Variants in AUTS2 observed in about 807,000 individuals in gnomAD.
The protein encoded by AUTS2 is autism susceptibility gene 2 protein.
Under a neutral mutation model 112.4 loss-of-function variants are expected in AUTS2, and 17 were observed. That is an observed-to-expected ratio of 0.15 (90% confidence interval 0.10 to 0.23). AUTS2 has a LOEUF of 0.23. AUTS2 is among the 10% of genes least tolerant of loss of function. The pLI, the probability that AUTS2 is intolerant of heterozygous loss-of-function variation, is 1.00. For synonymous variants in AUTS2, 751 were observed against 702.7 expected (o/e 1.07, Z -1.09); for missense variants, 1,510 against 1,701.6 (o/e 0.89, Z 1.98).
At chr7:70,496,237 TCACACACACA>T (rs1213694004) in intron 5 of AUTS2, among the ~76,000 whole-genome samples, 1 of 25,684 alleles carries the variant, frequency 3.9e-5, no homozygotes, top group African/African-American at 1.7e-4. Context: ...ACGTACACAG[TCACACACACA>T]CACACACCCC....
intron 4 of AUTS2, among the ~76,000 whole-genome samples, chr7:70,265,986 G>T (rs1366736389): frequency 6.6e-6 from 1 of 152,120 alleles, no homozygotes; most frequent in East Asian, 1.9e-4. Flanking sequence ...TTGTGTGTTG[G>T]GTTGTGCAGT....
rs573260266 is a variant in AUTS2 at position 70,190,493 on chromosome 7, G to A, written c.660+55922G>A. 3.9e-5 allele frequency among the ~76,000 whole-genome samples: 6 copies of A among 152,186 alleles called. 1 individual carries two copies. The highest frequency in any genetic ancestry group is 6.8e-3 in the Middle Eastern group (2 of 294). ...CAAATTTCCTCACTGCCGCATTTTC[G>A]TTGAAGCAAATTCTGACAGTGGGGG... On this transcript the variant is annotated intron_variant, in intron 4 of 18. Transcript: ENST00000342771.
chr7:70,392,154 T>C (rs1241850492), intron 4 of AUTS2, among the ~76,000 whole-genome samples: 2 of 152,228 alleles, frequency 1.3e-5, no homozygotes, highest in Non-Finnish European at 2.9e-5. Flanking sequence ...CTTCTTTGTA[T>C]GACTGTTCCT....
At chr7:70,122,662 T>A (rs1805744519) in intron 3 of AUTS2, among the ~76,000 whole-genome samples, 1 of 152,142 alleles carries the variant, frequency 6.6e-6, no homozygotes, top group Non-Finnish European at 1.5e-5. Flanking sequence ...GGGCATATAG[T>A]AGGCGTATTG....
intron 1 of AUTS2, among the ~76,000 whole-genome samples, chr7:69,717,522 A>G (rs589136): frequency 0.14 from 21,753 of 152,282 alleles, 1,657 homozygotes; most frequent in Non-Finnish European, 0.16. Flanking sequence ...AAATGAGGAC[A>G]GAAAAGTTGA....
chr7:70,157,203 T>C (rs1296241186), intron 4 of AUTS2, among the ~76,000 whole-genome samples: 2 of 152,120 alleles, frequency 1.3e-5, no homozygotes, highest in Non-Finnish European at 2.9e-5. Flanking sequence ...CAGCTTTTCA[T>C]CACTTTTTAA....
chr7:69,645,699 C>T (rs1427861609), intron 1 of AUTS2, among the ~76,000 whole-genome samples: 4 of 151,968 alleles, frequency 2.6e-5, no homozygotes, highest in Non-Finnish European at 4.4e-5. Context: ...AAACTTAGCT[C>T]CTGAGTTTAA....
chr7:70,312,003 C>T lies in AUTS2; in HGVS notation c.661-123749C>T, dbSNP rs572698489. On this transcript the variant is annotated intron_variant, in intron 4 of 18. Coordinates refer to ENST00000342771, the MANE Select transcript of AUTS2 (RefSeq NM_015570.4). ...TGCTGAGATTATAGGCATGAGCCAC[C>T]GCGCCCGGCCACACTTGGCCGATTT... Among the ~76,000 whole-genome samples the T allele has an allele frequency of 4.6e-5, 7 of 152,232 alleles. No individual in the cohort carries two copies. In the East Asian group the frequency reaches 5.8e-4, roughly 13 times the overall value.
At chr7:70,630,111 AG>A (rs1805179175) in intron 5 of AUTS2, among the ~76,000 whole-genome samples, 1 of 152,096 alleles carries the variant, frequency 6.6e-6, no homozygotes. Flanking sequence ...TGCAGAGGAA[AG>A]GGGTAGGGGG....
chr7:69,620,952 A>G (rs1360701569), intron 1 of AUTS2, among the ~76,000 whole-genome samples: 1 of 152,218 alleles, frequency 6.6e-6, no homozygotes, highest in East Asian at 1.9e-4. Context: ...GGTTGTACAC[A>G]GAACTCATGC....
At position 70,066,629 on chromosome 7, in the gene AUTS2, C is replaced by A. The variant is rs529484031; in HGVS notation, c.523-51503C>A. ...TGTGTCGGCTCACTGCACTCCGTCT[C>A]CCGGGTTCAAGCGATTCTTCTGCTT... is the stretch of plus-strand genomic sequence containing the variant. On this transcript the variant is annotated intron_variant, in intron 2 of 18. Coordinates refer to ENST00000342771, the MANE Select transcript of AUTS2 (RefSeq NM_015570.4). Among the ~76,000 whole-genome samples the A allele has an allele frequency of 1.7e-4, 25 of 151,282 alleles. No homozygotes were observed. In the South Asian group the frequency reaches 5.0e-3, roughly 30 times the overall value.
chr7:70,233,446 G>A (rs548051754), intron 4 of AUTS2, among the ~76,000 whole-genome samples: 1 of 152,238 alleles, frequency 6.6e-6, no homozygotes, highest in Non-Finnish European at 1.5e-5. Context: ...ATTTCTGATG[G>A]ATAACAGTAG....
intron 4 of AUTS2, among the ~76,000 whole-genome samples, chr7:70,155,795 A>G (rs1404900241): frequency 6.6e-6 from 1 of 152,122 alleles, no homozygotes; most frequent in African/African-American, 2.4e-5. Context: ...GAGCTCAGAG[A>G]AAAAAGGACT....
chr7:70,001,710 A>AT (rs35638538), intron 2 of AUTS2, among the ~76,000 whole-genome samples: 19,737 of 132,816 alleles, frequency 0.15, 1,616 homozygotes, highest in African/African-American at 0.17. Flanking sequence ...TCATTGTCAT[A>AT]TTTTTTTTTT....
chr7:69,653,733 G>A (rs1048650591), intron 1 of AUTS2, among the ~76,000 whole-genome samples: 1 of 149,748 alleles, frequency 6.7e-6, no homozygotes, highest in Non-Finnish European at 1.5e-5. Context: ...GGTTACCTTT[G>A]TTAGGAAGCA....
chr7:69,948,562 G>A (rs1796903898), intron 2 of AUTS2, among the ~76,000 whole-genome samples: 1 of 152,082 alleles, frequency 6.6e-6, no homozygotes, highest in Non-Finnish European at 1.5e-5. Context: ...TTGACAAACA[G>A]AAAGGGGACA....
At chr7:70,719,306 C>G (rs1196770269) in intron 6 of AUTS2, among the ~76,000 whole-genome samples, 1 of 152,154 alleles carries the variant, frequency 6.6e-6, no homozygotes, top group Admixed American at 6.5e-5. Flanking sequence ...ACACTGTAAA[C>G]AAGAGTATCG....
chr7:70,251,059 A>C (rs1033848917), intron 4 of AUTS2, among the ~76,000 whole-genome samples: 1 of 152,088 alleles, frequency 6.6e-6, no homozygotes, highest in Non-Finnish European at 1.5e-5. Context: ...TTCCAGTTAT[A>C]AAATATTTCT....
chr7:69,753,935 C>T (rs1787844199), intron 1 of AUTS2, among the ~76,000 whole-genome samples: 1 of 152,164 alleles, frequency 6.6e-6, no homozygotes, highest in African/African-American at 2.4e-5. Context: ...ATAGGTCTTT[C>T]TGTGCTACAG....
Sources: gnomAD v4.1 joint callset for allele counts (sites outside exome capture counted in the v4.1 genomes callset) on GRCh38, gnomAD v4.1.1 for gene constraint, MANE v1.5 for transcripts, NCBI Gene and HGNC (gene_info 2026-07-23, HGNC 2026-07-21) for gene names.